Variants in NID1 observed in about 807,000 individuals in gnomAD.
The protein encoded by NID1 is nidogen-1.
In NID1, 76 loss-of-function variants were observed where a neutral mutation model predicts 130.6. The observed-to-expected ratio is 0.58, with a 90% CI of 0.48 to 0.70. The LOEUF (loss-of-function observed/expected upper bound fraction) is 0.70, where lower values mean the gene tolerates loss of function less well. Ranked by LOEUF, NID1 falls within the 30% of genes least tolerant of loss-of-function variation. NID1 has a pLI of 0.00. For missense variants in NID1, 1,517 were observed against 1,664.8 expected (o/e 0.91, Z 1.54); for synonymous variants, 665 against 675.1 (o/e 0.98, Z 0.23).
intron 6 of NID1, 119 bp from the exon 7 acceptor site, chr1:236,029,869 C>G: frequency 1.1e-6 from 1 of 892,268 alleles, no homozygotes; most frequent in Non-Finnish European, 1.8e-6. Context: ...TTTGGTTTGG[C>G]TGTAGAACAT....
rs1450251201 is a variant in NID1 at position 236,064,744 on chromosome 1, G to A, written c.225+111C>T. ...CTGCGCCGTGCCCGGTGCCCCGGCG[G>A]CCAGCGGGTCCGGGTCCCCGCCTGC... is the stretch of plus-strand genomic sequence containing the variant. On this transcript the variant is annotated intron_variant, in intron 1 of 19. Transcript: ENST00000264187. 6.1e-5 allele frequency: 59 copies of A among 961,124 alleles called. No individual in the cohort carries two copies. The East Asian group carries it at 1.8e-3, about 30-fold the overall frequency. 59.5% of individuals were successfully genotyped at this position (961,124 alleles called of 1,614,324 possible). A position where few individuals can be genotyped will look rare whatever the true frequency, so the allele number is the denominator to read the frequency against.
chr1:235,991,424 C>T (rs1406318488), intron 13 of NID1, among the ~76,000 whole-genome samples: 1 of 152,052 alleles, frequency 6.6e-6, no homozygotes, highest in Non-Finnish European at 1.5e-5. Flanking sequence ...CCTCTGCCTG[C>T]CTGGTTCAAG....
chr1:236,004,973 G>C (rs1049956438), intron 12 of NID1, among the ~76,000 whole-genome samples: 3 of 151,724 alleles, frequency 2.0e-5, no homozygotes, highest in Non-Finnish European at 4.4e-5. Context: ...TTGGGAGTTC[G>C]AGACCAGCCT....
At chr1:236,032,301 A>G in intron 6 of NID1, 100 bp downstream of exon 6, 1 of 1,441,192 alleles carries the variant, frequency 6.9e-7, no homozygotes, top group Non-Finnish European at 9.5e-7. Context: ...ACATGCTTCT[A>G]AGTTGTCTGC....
At chr1:236,024,828 G>T (rs563420963) in intron 8 of NID1, among the ~76,000 whole-genome samples, 11 of 152,134 alleles carry the variant, frequency 7.2e-5, no homozygotes, top group Non-Finnish European at 1.5e-4. Context: ...GCTCCTTCCC[G>T]ACAGCTGGGA....
At chr1:235,992,191 C>T (rs1558423811) in intron 13 of NID1, among the ~76,000 whole-genome samples, 1 of 152,348 alleles carries the variant, frequency 6.6e-6, no homozygotes, top group East Asian at 1.9e-4. Flanking sequence ...CTGCTCTCTA[C>T]AGTGAGAGCT....
At chr1:236,036,727 G>A (rs183629330) in intron 5 of NID1, among the ~76,000 whole-genome samples, 115 of 152,268 alleles carry the variant, frequency 7.6e-4, no homozygotes, top group Non-Finnish European at 1.3e-3. Flanking sequence ...GTGTTATCAC[G>A]GGAATGGGAC....
chr1:236,002,148 C>T (rs1222104496), intron 12 of NID1, among the ~76,000 whole-genome samples: 1 of 152,186 alleles, frequency 6.6e-6, no homozygotes, highest in Non-Finnish European at 1.5e-5. Context: ...GGACAGGCTG[C>T]TATGGGACAG....
chr1:236,033,176 C>T (rs866589591), intron 5 of NID1, among the ~76,000 whole-genome samples: 2 of 152,216 alleles, frequency 1.3e-5, no homozygotes, highest in Admixed American at 6.5e-5. Context: ...GGCATGATGG[C>T]GGGTGCCTGT....
intron 6 of NID1, 66 bp downstream of exon 6, chr1:236,032,335 C>T: frequency 6.4e-7 from 1 of 1,564,648 alleles, no homozygotes; most frequent in South Asian, 1.2e-5. Context: ...TCCTTCCATC[C>T]ATCCCCAGGC....
At chr1:236,060,549 G>C (rs150674933) in intron 1 of NID1, 2 of 152,158 alleles carry the variant, frequency 1.3e-5, no homozygotes, top group African/African-American at 4.8e-5. Context: ...CTGACATAAG[G>C]GTAATAGAGA....
chr1:236,032,137 C>A (rs1020280648), intron 6 of NID1, among the ~76,000 whole-genome samples: 1 of 152,214 alleles, frequency 6.6e-6, no homozygotes, highest in Non-Finnish European at 1.5e-5. Context: ...ACGCCTAAAT[C>A]TCCACCACGA....
intron 15 of NID1, among the ~76,000 whole-genome samples, chr1:235,983,965 T>C (rs896818130): frequency 4.0e-5 from 6 of 151,612 alleles, no homozygotes; most frequent in African/African-American, 1.5e-4. Context: ...AGGAGATAAC[T>C]GGAAGCTTCT....
intron 14 of NID1, among the ~76,000 whole-genome samples, chr1:235,988,501 T>C (rs1657633623): frequency 1.3e-5 from 2 of 152,220 alleles, no homozygotes; most frequent in South Asian, 4.1e-4. Context: ...ATAGAATTAC[T>C]GTATGATCCA....
chr1:235,982,820 T>G (rs1657476476), intron 15 of NID1, among the ~76,000 whole-genome samples: 1 of 152,204 alleles, frequency 6.6e-6, no homozygotes, highest in Non-Finnish European at 1.5e-5. Context: ...GAGAAGGGGC[T>G]ACCCTACCTG....
chr1:235,981,155 T>G (rs1162594627), intron 16 of NID1, among the ~76,000 whole-genome samples: 3 of 152,108 alleles, frequency 2.0e-5, no homozygotes, highest in African/African-American at 7.2e-5. Context: ...GAGCCTGTTG[T>G]GTAAGAGGTA....
intron 12 of NID1, among the ~76,000 whole-genome samples, chr1:236,011,695 C>T (rs113981789): frequency 5.9e-5 from 9 of 152,332 alleles, no homozygotes; most frequent in Non-Finnish European, 1.3e-4. Context: ...CCTACTTTCC[C>T]GCCTCACCTT....
intron 1 of NID1, among the ~76,000 whole-genome samples, chr1:236,053,353 T>G (rs1659814847): frequency 2.0e-5 from 3 of 152,288 alleles, no homozygotes; most frequent in Admixed American, 2.0e-4. Context: ...GTTATGCATG[T>G]TTAGCTTGAA....
At chr1:236,004,698 C>T (rs545060726) in intron 12 of NID1, among the ~76,000 whole-genome samples, 14 of 138,272 alleles carry the variant, frequency 1.0e-4, no homozygotes, top group Non-Finnish European at 2.0e-4. Flanking sequence ...GGAGGCGGAG[C>T]TTGCAGTGAG....
Sources: allele counts gnomAD v4.1 joint callset (sites outside exome capture counted in the v4.1 genomes callset), GRCh38; gene constraint gnomAD v4.1.1; transcripts MANE v1.5; gene names NCBI Gene and HGNC (gene_info 2026-07-23, HGNC 2026-07-21).